The following ERG variants were observed in gnomAD, a reference collection of about 807,000 sequenced individuals.
ERG encodes the protein transcriptional regulator ERG.
In ERG, 9 loss-of-function variants were observed where a neutral mutation model predicts 55.3. That is an observed-to-expected ratio of 0.16 (90% confidence interval 0.10 to 0.28). The LOEUF (loss-of-function observed/expected upper bound fraction) is 0.28, where lower values mean the gene tolerates loss of function less well. ERG is among the 10% of genes least tolerant of loss of function. The pLI is 1.00. For missense variants in ERG, 434 were observed against 631.6 expected, an observed-to-expected ratio of 0.69 and a Z score of 3.35; for synonymous variants, 223 against 237.3, an observed-to-expected ratio of 0.94 and a Z score of 0.55.
At chr21:38,424,438 C>G (rs1325705846) in intron 2 of ERG, among the ~76,000 whole-genome samples, 1 of 152,232 alleles carries the variant, frequency 6.6e-6, no homozygotes, top group Non-Finnish European at 1.5e-5. Context: ...GCTAGATGCA[C>G]AGAACACGCA....
intron 2 of ERG, among the ~76,000 whole-genome samples, chr21:38,515,584 T>C (rs1410927430): frequency 6.6e-6 from 1 of 151,896 alleles, no homozygotes; most frequent in Non-Finnish European, 1.5e-5. Flanking sequence ...AGGCCAACAT[T>C]ACCCTCATAA....
At chr21:38,558,706 AAAG>A (rs1204863307) in intron 2 of ERG, among the ~76,000 whole-genome samples, 1 of 152,228 alleles carries the variant, frequency 6.6e-6, no homozygotes, top group Non-Finnish European at 1.5e-5. Context: ...ATGTAGAAAT[AAAG>A]AAATCTCCCC....
chr21:38,562,587 G>A (rs186845899), intron 2 of ERG, among the ~76,000 whole-genome samples: 2 of 152,356 alleles, frequency 1.3e-5, no homozygotes, highest in Admixed American at 1.3e-4. Context: ...GCATGCAAAA[G>A]TACAGAATGA....
intron 1 of ERG, among the ~76,000 whole-genome samples, chr21:38,614,248 G>C (rs1359508231): frequency 6.6e-6 from 1 of 152,218 alleles, no homozygotes; most frequent in Non-Finnish European, 1.5e-5. Context: ...CAAAGTATGG[G>C]AGAACGTTGG....
intron 1 of ERG, among the ~76,000 whole-genome samples, chr21:38,659,553 ACT>A (rs1384362644): frequency 1.3e-5 from 2 of 152,218 alleles, no homozygotes; most frequent in Non-Finnish European, 2.9e-5. Context: ...AGGTAAATAA[ACT>A]CTGTGTCCTA....
At chr21:38,651,675 C>T (rs1299059471) in intron 1 of ERG, among the ~76,000 whole-genome samples, 2 of 152,146 alleles carry the variant, frequency 1.3e-5, no homozygotes, top group Non-Finnish European at 2.9e-5. Context: ...AGTTCATGTT[C>T]TATTTCCTTT....
chr21:38,433,410 A>G (rs556866106), intron 2 of ERG, among the ~76,000 whole-genome samples: 1 of 152,326 alleles, frequency 6.6e-6, no homozygotes, highest in South Asian at 2.1e-4. Context: ...TCGTCCATAC[A>G]TAATACCCCT....
chr21:38,383,398 G>T lies in ERG; in HGVS notation c.*5C>A, dbSNP rs1016127039. ...ACGCTGATGGGAAAAGCCTCCGCCA[G>T]GTCTTTAGTAGTAAGTGCCCAGATG... On this transcript the variant is annotated 3_prime_UTR_variant, in exon 10 of 10. Transcript: ENST00000288319. The surrounding 1 kb of genome is among the most constrained non-coding windows in gnomAD (Gnocchi z 5.7). 6.7e-7 allele frequency: 1 copy of T among 1,488,664 alleles called. No homozygotes were observed. Among genetic ancestry groups the T allele is most frequent in the Non-Finnish European group, 8.9e-7 (1 of 1,117,680 alleles). The allele number at this position is 1,488,664 out of a possible 1,614,324, so 92.2% of individuals were successfully genotyped here. A position where few individuals can be genotyped will look rare whatever the true frequency, so the allele number is the denominator to read the frequency against.
intron 2 of ERG, among the ~76,000 whole-genome samples, chr21:38,528,316 C>T (rs975786522): frequency 5.9e-5 from 9 of 152,026 alleles, no homozygotes. Flanking sequence ...TGGTGGGCAC[C>T]TGTAGTTCCA....
intron 3 of ERG, among the ~76,000 whole-genome samples, chr21:38,405,963 T>C (rs1988743350): frequency 1.3e-5 from 2 of 151,884 alleles, no homozygotes; most frequent in African/African-American, 2.4e-5. Flanking sequence ...CCATCCTGGC[T>C]AACACAGTGA....
intron 1 of ERG, among the ~76,000 whole-genome samples, chr21:38,482,741 G>A (rs1326078695): frequency 6.6e-6 from 1 of 151,412 alleles, no homozygotes; most frequent in Non-Finnish European, 1.5e-5. Context: ...GCAGTGGCAT[G>A]ATCTCGACTG....
At chr21:38,640,581 A>C (rs2060417924) in intron 1 of ERG, among the ~76,000 whole-genome samples, 2 of 152,136 alleles carry the variant, frequency 1.3e-5, no homozygotes, top group African/African-American at 4.8e-5. Flanking sequence ...TATGAGGGGA[A>C]ACCCCTTTCA....
rs2060017375 is a variant in ERG, at chr21:38,579,824, TC to T, written c.-126-4078del. Reference sequence around the variant, plus strand: ...TCCTCAACCCACACGGATCTCTGACTCTTTTTTTTTTTTTGAGACGGAGTCT... The same window carrying T: ...TCCTCAACCCACACGGATCTCTGACTTTTTTTTTTTTTTGAGACGGAGTCT... On this transcript the variant is annotated intron_variant, in intron 1 of 8. Coordinates refer to the ERG transcript ENST00000398897. 6.3e-5 allele frequency among the ~76,000 whole-genome samples: 6 copies of T among 95,670 alleles called. No individual in the cohort carries two copies. In the South Asian group the frequency reaches 1.8e-3, roughly 29 times the overall value. The allele number at this position is 95,670 out of a possible 152,430, so 62.8% of individuals were successfully genotyped here.
intron 3 of ERG, among the ~76,000 whole-genome samples, chr21:38,416,374 T>G (rs1989283060): frequency 6.6e-6 from 1 of 152,246 alleles, no homozygotes; most frequent in African/African-American, 2.4e-5. Flanking sequence ...AACATTGCCT[T>G]CCCTGTGAAA....
intron 1 of ERG, among the ~76,000 whole-genome samples, chr21:38,631,985 C>T (rs1315172800): frequency 6.6e-6 from 1 of 151,974 alleles, no homozygotes; most frequent in Non-Finnish European, 1.5e-5. Context: ...GCACTTGAAA[C>T]CTTCCCTTAT....
intron 2 of ERG, among the ~76,000 whole-genome samples, chr21:38,549,276 C>T (rs193277585): frequency 6.6e-6 from 1 of 152,214 alleles, no homozygotes; most frequent in East Asian, 1.9e-4. Context: ...ATACTAAAGG[C>T]ATCATCTGAA....
chr21:38,508,819 G>A (rs1456469537), intron 2 of ERG, among the ~76,000 whole-genome samples: 1 of 152,164 alleles, frequency 6.6e-6, no homozygotes, highest in Non-Finnish European at 1.5e-5. Context: ...AATCTGAGTT[G>A]GGCTGTGACT....
At chr21:38,537,777 A>C (rs1219322323) in intron 2 of ERG, among the ~76,000 whole-genome samples, 1 of 152,230 alleles carries the variant, frequency 6.6e-6, no homozygotes, top group African/African-American at 2.4e-5. Flanking sequence ...TCAAAAATTA[A>C]AAATAGAATT....
At chr21:38,391,470 C>T (rs927366112) in intron 8 of ERG, among the ~76,000 whole-genome samples, 189 bp downstream of exon 8, 4 of 152,136 alleles carry the variant, frequency 2.6e-5, no homozygotes, top group African/African-American at 4.8e-5. Flanking sequence ...TAGTTGGGGA[C>T]GTGTTTTAGC....
Sources: allele counts gnomAD v4.1 joint callset (sites outside exome capture counted in the v4.1 genomes callset), GRCh38; gene constraint gnomAD v4.1.1; non-coding constraint Gnocchi (gnomAD v3.1); transcripts MANE v1.5; gene names NCBI Gene and HGNC (gene_info 2026-07-23, HGNC 2026-07-21).